Variants in GRM3 observed in about 807,000 individuals in gnomAD.
GRM3 encodes the protein metabotropic glutamate receptor 3.
A neutral mutation model predicts 70.5 loss-of-function variants in GRM3; 26 were observed. The observed-to-expected ratio is 0.37, with a 90% CI of 0.27 to 0.51. The LOEUF is 0.51. Ranked by LOEUF, GRM3 falls within the 20% of genes least tolerant of loss-of-function variation. The pLI is 0.93. For missense variants in GRM3, 859 were observed against 1,123.8 expected (o/e 0.76, Z 3.37); for synonymous variants, 443 against 434.9 (o/e 1.02, Z -0.23).
At chr7:86,845,153 G>A (rs1176559635) in intron 4 of GRM3, among the ~76,000 whole-genome samples, 1 of 152,100 alleles carries the variant, frequency 6.6e-6, no homozygotes, top group African/African-American at 2.4e-5. Context: ...GCCTCCCAAA[G>A]TGCTGGGATT....
intron 1 of GRM3, among the ~76,000 whole-genome samples, chr7:86,654,410 T>G (rs1468596094): frequency 6.6e-6 from 1 of 152,214 alleles, no homozygotes; most frequent in African/African-American, 2.4e-5. Flanking sequence ...TTACACCGTG[T>G]CTCAGCAGAG....
intron 3 of GRM3, among the ~76,000 whole-genome samples, chr7:86,805,415 C>T (rs1288194310): frequency 6.6e-6 from 1 of 152,162 alleles, no homozygotes; most frequent in Admixed American, 6.5e-5. Flanking sequence ...GCATTTGCTA[C>T]AGTTAATGAA....
At chr7:86,668,615 A>G (rs1019243118) in intron 1 of GRM3, among the ~76,000 whole-genome samples, 1 of 152,090 alleles carries the variant, frequency 6.6e-6, no homozygotes, top group Non-Finnish European at 1.5e-5. Context: ...ACTTGGAGGG[A>G]AGGAGGAGAA....
chr7:86,826,225 C>T (rs994408848), intron 3 of GRM3, among the ~76,000 whole-genome samples: 1 of 152,138 alleles, frequency 6.6e-6, no homozygotes, highest in African/African-American at 2.4e-5. Context: ...TTGGGCGCTC[C>T]GGTTTGTGCT....
intron 2 of GRM3, among the ~76,000 whole-genome samples, chr7:86,781,379 T>C (rs1361303557): frequency 7.9e-5 from 12 of 152,200 alleles, no homozygotes; most frequent in Admixed American, 7.9e-4. Context: ...AATCCGTCTT[T>C]GACTTTAGCC....
intron 1 of GRM3, among the ~76,000 whole-genome samples, chr7:86,699,902 C>T (rs1006102665): frequency 6.6e-6 from 1 of 151,904 alleles, no homozygotes; most frequent in East Asian, 1.9e-4. Flanking sequence ...TGACCTGCAT[C>T]CATGTAAATT....
chr7:86,752,227 C>T (rs1294434319), intron 1 of GRM3, among the ~76,000 whole-genome samples: 2 of 152,056 alleles, frequency 1.3e-5, no homozygotes, highest in Non-Finnish European at 2.9e-5. Context: ...CTGTAGATAA[C>T]TTTGGTATGT....
chr7:86,661,333 T>G (rs1177994184), intron 1 of GRM3, among the ~76,000 whole-genome samples: 1 of 152,000 alleles, frequency 6.6e-6, no homozygotes, highest in African/African-American at 2.4e-5. Flanking sequence ...ATGTCTTCAT[T>G]TACTTTAACT....
intron 3 of GRM3, among the ~76,000 whole-genome samples, chr7:86,811,201 A>T (rs1797902155): frequency 6.6e-6 from 1 of 151,966 alleles, no homozygotes; most frequent in Non-Finnish European, 1.5e-5. Flanking sequence ...TTCATAAGCC[A>T]TCATTAGAGT....
intron 5 of GRM3, among the ~76,000 whole-genome samples, chr7:86,858,295 T>G (rs879651461): frequency 6.6e-6 from 1 of 152,056 alleles, no homozygotes; most frequent in Non-Finnish European, 1.5e-5. Context: ...GTGGCAACAA[T>G]GGAGGGAAGT....
chr7:86,676,106 T>C (rs567521161), intron 1 of GRM3, among the ~76,000 whole-genome samples: 28 of 152,078 alleles, frequency 1.8e-4, no homozygotes, highest in African/African-American at 6.3e-4. Context: ...CCTTAGGCTT[T>C]TTTTTCCCCT....
chr7:86,783,811 T>C (rs184018982), intron 2 of GRM3, among the ~76,000 whole-genome samples: 204 of 152,354 alleles, frequency 1.3e-3, no homozygotes, highest in South Asian at 8.1e-3. Context: ...GTGTTTCTAA[T>C]GTAACTCTGA....
At chr7:86,806,625 T>G (rs894218333) in intron 3 of GRM3, among the ~76,000 whole-genome samples, 1 of 151,040 alleles carries the variant, frequency 6.6e-6, no homozygotes, top group African/African-American at 2.4e-5. Context: ...AATTTGTTTC[T>G]TTGTAGATTC....
At chr7:86,748,003 CTGTGGTTAA>C (rs1306787552) in intron 1 of GRM3, among the ~76,000 whole-genome samples, 1 of 152,054 alleles carries the variant, frequency 6.6e-6, no homozygotes, top group African/African-American at 2.4e-5. Flanking sequence ...TCCTGTCTCC[CTGTGGTTAA>C]CTTCTTCTTT....
chr7:86,673,272 T>C (rs1794218473), intron 1 of GRM3, among the ~76,000 whole-genome samples: 1 of 152,172 alleles, frequency 6.6e-6, no homozygotes, highest in Admixed American at 6.6e-5. Context: ...TCCTTATTTG[T>C]GGGGGAAGTA....
At chr7:86,847,560 T>G (rs1798677962) in intron 4 of GRM3, among the ~76,000 whole-genome samples, 1 of 152,030 alleles carries the variant, frequency 6.6e-6, no homozygotes, top group Non-Finnish European at 1.5e-5. Context: ...TGAAACTCAG[T>G]GGGATGGTGA....
chr7:86,676,942 T>C (rs974689181), intron 1 of GRM3, among the ~76,000 whole-genome samples: 3 of 152,002 alleles, frequency 2.0e-5, no homozygotes, highest in Non-Finnish European at 2.9e-5. Flanking sequence ...TTTGTACCTT[T>C]TCTACAGTTT....
chr7:86,805,225 T>G (rs1303251441), intron 3 of GRM3, among the ~76,000 whole-genome samples: 1 of 152,220 alleles, frequency 6.6e-6, no homozygotes, highest in Non-Finnish European at 1.5e-5. Context: ...AGGGAAAATT[T>G]ATGTGTTGTT....
intron 1 of GRM3, among the ~76,000 whole-genome samples, chr7:86,698,359 T>C (rs1794873241): frequency 6.6e-6 from 1 of 151,740 alleles, no homozygotes; most frequent in African/African-American, 2.4e-5. Flanking sequence ...AAAGGTAACT[T>C]AACTCTTTGT....
Sources: allele counts gnomAD v4.1 joint callset (sites outside exome capture counted in the v4.1 genomes callset), GRCh38; gene constraint gnomAD v4.1.1; transcripts MANE v1.5; gene names NCBI Gene and HGNC (gene_info 2026-07-23, HGNC 2026-07-21).